The following TOGARAM2 variants were observed in gnomAD, a reference collection of about 807,000 sequenced individuals.
TOGARAM2 encodes TOG array regulator of axonemal microtubules 2.
A neutral mutation model predicts 93.3 loss-of-function variants in TOGARAM2; 85 were observed. That is an observed-to-expected ratio of 0.91 (90% CI 0.76 to 1.09). The LOEUF (loss-of-function observed/expected upper bound fraction) is 1.09, where lower values mean the gene tolerates loss of function less well. Ranked by LOEUF, TOGARAM2 falls within the 50% of genes least tolerant of loss-of-function variation. The pLI, the probability that TOGARAM2 is intolerant of heterozygous loss-of-function variation, is 0.00. For missense variants in TOGARAM2, 1,277 were observed against 1,334.5 expected, an observed-to-expected ratio of 0.96 and a Z score of 0.67; for synonymous variants, 593 against 552.8, an observed-to-expected ratio of 1.07 and a Z score of -1.02.
intron 15 of TOGARAM2, 118 bp from the exon 16 acceptor site, chr2:29,033,351 A>C: frequency 1.0e-6 from 1 of 968,336 alleles, no homozygotes; most frequent in Non-Finnish European, 1.6e-6. Context: ...CAACTGTGAC[A>C]TCTGAAGCTC....
At chr2:29,018,254 T>C (rs1289186754) in intron 10 of TOGARAM2, 5 of 347,516 alleles carry the variant, frequency 1.4e-5, no homozygotes, top group Admixed American at 9.3e-5. Flanking sequence ...CACTAGACAA[T>C]AGCACCCAAG....
intron 4 of TOGARAM2, among the ~76,000 whole-genome samples, chr2:29,002,111 G>C (rs1040740711): frequency 2.6e-5 from 4 of 152,152 alleles, no homozygotes; most frequent in African/African-American, 9.7e-5. Context: ...CGAAAAGGAA[G>C]GGGAAACAGT....
intron 7 of TOGARAM2, among the ~76,000 whole-genome samples, chr2:29,011,787 A>G (rs1238767096): frequency 6.6e-6 from 1 of 152,180 alleles, no homozygotes; most frequent in Admixed American, 6.5e-5. Context: ...AAGAGAGACA[A>G]TTCTGGCCGT....
At chr2:29,034,614 C>T (rs1376583686) in intron 16 of TOGARAM2, among the ~76,000 whole-genome samples, 1 of 152,184 alleles carries the variant, frequency 6.6e-6, no homozygotes, top group African/African-American at 2.4e-5. Context: ...AGCCAGTGAC[C>T]CAGGCTTGGA....
chr2:28,991,025 TGTGTGTGTGTG>T (rs1558406549), intron 1 of TOGARAM2, among the ~76,000 whole-genome samples: 36 of 150,910 alleles, frequency 2.4e-4, no homozygotes, highest in African/African-American at 8.3e-4. Flanking sequence ...TGTGTGTGTG[TGTGTGTGTGTG>T]TGTGGCTTTT....
chr2:29,006,321 AGTGTGTGCAT>A (rs1401799958), intron 6 of TOGARAM2, among the ~76,000 whole-genome samples: 3 of 117,564 alleles, frequency 2.6e-5, no homozygotes, highest in African/African-American at 3.5e-5. Flanking sequence ...CTGTGTGTGG[AGTGTGTGCAT>A]GTGTGTGTAT....
At chr2:29,013,627 C>T (rs186814725) in intron 7 of TOGARAM2, among the ~76,000 whole-genome samples, 46 of 152,306 alleles carry the variant, frequency 3.0e-4, no homozygotes, top group African/African-American at 1.1e-3. Context: ...TAGAAGGAAG[C>T]GTCCAGCAGG....
chr2:29,026,712 C>T, intron 13 of TOGARAM2, 141 bp from the exon 14 acceptor site: 1 of 869,922 alleles, frequency 1.1e-6, no homozygotes, highest in Non-Finnish European at 1.7e-6. Context: ...AGATTCCCCT[C>T]AGCTCACATG....
At position 28,988,371 on chromosome 2, in the gene TOGARAM2, C is replaced by T. The variant is rs372094783; in HGVS notation, c.-110-6354C>T. Among the ~76,000 whole-genome samples, 8 of 152,260 alleles carry T rather than the reference C, an allele frequency of 5.3e-5. No individual in the cohort carries two copies. In the East Asian group the frequency reaches 1.4e-3, roughly 26 times the overall value. ...CACTGCCAATATCAAGGCCGTTCTA[C>T]GTGCCCTTTCTCTCTTCCTGACCTC... On this transcript the variant is annotated intron_variant, in intron 1 of 19. Coordinates refer to ENST00000379558, the MANE Select transcript of TOGARAM2 (RefSeq NM_199280.4).
intron 1 of TOGARAM2, among the ~76,000 whole-genome samples, chr2:28,993,737 C>A (rs1350680217): frequency 1.3e-5 from 2 of 152,116 alleles, no homozygotes; most frequent in Admixed American, 1.3e-4. Flanking sequence ...GGGCTGGACA[C>A]CTGTGTTTGG....
chr2:28,973,441 C>CCCTTCCTTCCTTCCTT (rs146889949), intron 1 of TOGARAM2, among the ~76,000 whole-genome samples: 1 of 39,070 alleles, frequency 2.6e-5, no homozygotes, highest in African/African-American at 7.7e-5. Context: ...CCTTCCCTTC[C>CCCTTCCTTCCTTCCTT]CCTTCCTTCC....
intron 19 of TOGARAM2, 103 bp downstream of exon 19, chr2:29,045,513 TC>T: frequency 6.4e-6 from 6 of 941,194 alleles, no homozygotes; most frequent in Non-Finnish European, 1.0e-5. Context: ...CCTGAAATAA[TC>T]CCCCCCAATC....
At chr2:29,026,745 C>T in intron 13 of TOGARAM2, 108 bp from the exon 14 acceptor site, 3 of 1,255,722 alleles carry the variant, frequency 2.4e-6, no homozygotes, top group Non-Finnish European at 3.1e-6. Context: ...TTTGGAGCCC[C>T]TGGCTGGCAT....
intron 6 of TOGARAM2, among the ~76,000 whole-genome samples, chr2:29,005,102 T>C (rs561523292): frequency 6.8e-6 from 1 of 146,916 alleles, no homozygotes; most frequent in African/African-American, 2.6e-5. Context: ...GTGCATGTTG[T>C]GAGTGCATGT....
chr2:28,995,110 ACT>A (rs1217826567), intron 2 of TOGARAM2, among the ~76,000 whole-genome samples: 1 of 151,638 alleles, frequency 6.6e-6, no homozygotes, highest in African/African-American at 2.4e-5. Flanking sequence ...CTTTATCTCC[ACT>A]CTCTGCAGCA....
Position 29,017,300 on chromosome 2 carries a change from G to C in TOGARAM2, c.1191G>C (p.Lys397Asn). 6.2e-7 allele frequency: 1 copy of C among 1,605,344 alleles called. No individual in the cohort carries two copies. Among genetic ancestry groups the C allele is most frequent in the Non-Finnish European group, 8.5e-7 (1 of 1,176,130 alleles). The change falls in exon 9 of 20, where the codon AAG becomes AAC. Residue 397 changes from lysine to asparagine, a missense_variant. Coordinates refer to ENST00000379558, the MANE Select transcript of TOGARAM2 (RefSeq NM_199280.4). The part of the protein sequence containing the change: ...QCLGSQRAFM[K>N]EGLLPLRGSG... ...TGGGCTCCCAGAGAGCCTTCATGAA[G>C]GAAGGTACTGGGTGCCTGGTGTGGG...
chr2:29,024,443 G>T (rs1665197560), intron 13 of TOGARAM2, 69 bp downstream of exon 13: 1 of 674,602 alleles, frequency 1.5e-6, no homozygotes, highest in African/African-American at 1.9e-5. Flanking sequence ...GAGGCCCTGG[G>T]ATGTGAAAGA....
chr2:29,039,529 A>G (rs991481991), intron 18 of TOGARAM2, among the ~76,000 whole-genome samples: 2 of 152,212 alleles, frequency 1.3e-5, no homozygotes, highest in Non-Finnish European at 2.9e-5. Context: ...GTGATAAAGA[A>G]GCCAGTATCA....
At chr2:28,992,108 T>C (rs1214780699) in intron 1 of TOGARAM2, among the ~76,000 whole-genome samples, 1 of 152,176 alleles carries the variant, frequency 6.6e-6, no homozygotes, top group Non-Finnish European at 1.5e-5. Flanking sequence ...CGGTGAATTG[T>C]GCCTTGGGGG....
Sources: allele counts gnomAD v4.1 joint callset (sites outside exome capture counted in the v4.1 genomes callset), GRCh38; gene constraint gnomAD v4.1.1; transcripts MANE v1.5; gene names NCBI Gene and HGNC (gene_info 2026-07-23, HGNC 2026-07-21).